Variants in GRM5 observed in about 807,000 individuals in gnomAD.
GRM5 encodes metabotropic glutamate receptor 5.
Under a neutral mutation model 83.1 loss-of-function variants are expected in GRM5, and 19 were observed. The observed-to-expected ratio is 0.23, with a 90% CI of 0.16 to 0.34. GRM5 has a LOEUF of 0.34. Ranked by LOEUF, GRM5 falls within the 10% of genes least tolerant of loss-of-function variation. The pLI is 1.00. For synonymous variants in GRM5, 675 were observed against 633.6 expected, an observed-to-expected ratio of 1.07 and a Z score of -0.98; for missense variants, 1,160 against 1,588.3, an observed-to-expected ratio of 0.73 and a Z score of 4.58.
chr11:88,572,309 G>C (rs553021632), intron 7 of GRM5, among the ~76,000 whole-genome samples: 1 of 152,204 alleles, frequency 6.6e-6, no homozygotes, highest in Non-Finnish European at 1.5e-5. Context: ...TAATGAATGA[G>C]AGAGGGAGAG....
intron 4 of GRM5, among the ~76,000 whole-genome samples, chr11:88,610,135 G>A (rs1938273185): frequency 6.6e-6 from 1 of 152,144 alleles, no homozygotes; most frequent in Non-Finnish European, 1.5e-5. Flanking sequence ...GGTTGCTGTA[G>A]CCTGGTAGTA....
At chr11:88,641,304 T>A (rs1939286821) in intron 4 of GRM5, among the ~76,000 whole-genome samples, 1 of 151,990 alleles carries the variant, frequency 6.6e-6, no homozygotes, top group African/African-American at 2.4e-5. Context: ...TCCACCATGA[T>A]CCGATCACCT....
rs568115603 is a variant in GRM5 at position 88,753,270 on chromosome 11, C to T, written c.911+96636G>A. On this transcript the variant is annotated intron_variant, in intron 3 of 9. Transcript: ENST00000305447. ...AACAAATTTATGAGAAAAAACAACCCCATCAAAAACTGGGCAAAGGACATG... is the reference window on the plus strand; with the variant it reads ...AACAAATTTATGAGAAAAAACAACCTCATCAAAAACTGGGCAAAGGACATG... 3.9e-5 allele frequency among the ~76,000 whole-genome samples: 6 copies of T among 152,044 alleles called. No individual in the cohort carries two copies. In the East Asian group the frequency reaches 1.2e-3, roughly 29 times the overall value.
chr11:88,886,372 C>T (rs113017641), intron 2 of GRM5, among the ~76,000 whole-genome samples: 3 of 152,290 alleles, frequency 2.0e-5, no homozygotes, highest in African/African-American at 7.2e-5. Flanking sequence ...CAGACTCCAA[C>T]TCTGTCCTTT....
intron 2 of GRM5, among the ~76,000 whole-genome samples, chr11:89,041,390 T>C (rs1476413465): frequency 6.6e-6 from 1 of 152,198 alleles, no homozygotes; most frequent in Non-Finnish European, 1.5e-5. Context: ...CAGCAATTGA[T>C]GACAGCAATG....
At chr11:88,703,977 G>T (rs1423121523) in intron 3 of GRM5, among the ~76,000 whole-genome samples, 1 of 152,000 alleles carries the variant, frequency 6.6e-6, no homozygotes, top group African/African-American at 2.4e-5. Flanking sequence ...AGTACTGGAG[G>T]CTAGGGAGTC....
intron 3 of GRM5, among the ~76,000 whole-genome samples, chr11:88,843,760 T>C (rs1944248850): frequency 6.6e-6 from 1 of 152,126 alleles, no homozygotes; most frequent in Non-Finnish European, 1.5e-5. Flanking sequence ...TATAGAGAAA[T>C]GATAAGAAAG....
intron 2 of GRM5, among the ~76,000 whole-genome samples, chr11:88,966,360 A>C (rs1938961691): frequency 6.6e-6 from 1 of 152,118 alleles, no homozygotes; most frequent in Non-Finnish European, 1.5e-5. Flanking sequence ...CAAATCGAAA[A>C]ACTAGGAGCA....
intron 2 of GRM5, among the ~76,000 whole-genome samples, chr11:89,030,316 CTT>C (rs1941232585): frequency 1.3e-5 from 2 of 151,974 alleles, no homozygotes; most frequent in Admixed American, 6.6e-5. Flanking sequence ...TATTGTGTCT[CTT>C]TGGCTTTATC....
intron 1 of GRM5, among the ~76,000 whole-genome samples, chr11:89,051,143 C>G (rs1941751168): frequency 6.6e-6 from 1 of 151,914 alleles, no homozygotes; most frequent in Non-Finnish European, 1.5e-5. Context: ...ATAGTCCCAG[C>G]TACTCGGGAG....
intron 4 of GRM5, among the ~76,000 whole-genome samples, chr11:88,632,945 C>G (rs2135274108): frequency 6.6e-6 from 1 of 152,234 alleles, no homozygotes. Flanking sequence ...TCATATTGAG[C>G]ATCTTCTCCT....
chr11:88,821,250 T>C (rs1187058681), intron 3 of GRM5, among the ~76,000 whole-genome samples: 1 of 151,770 alleles, frequency 6.6e-6, no homozygotes, highest in East Asian at 1.9e-4. Flanking sequence ...TTTGGGCTTA[T>C]TCCATTCACT....
chr11:88,706,334 A>G (rs1401867321), intron 3 of GRM5, among the ~76,000 whole-genome samples: 1 of 152,044 alleles, frequency 6.6e-6, no homozygotes, highest in African/African-American at 2.4e-5. Flanking sequence ...CTATCCAGGC[A>G]CATTGTTTCA....
intron 4 of GRM5, among the ~76,000 whole-genome samples, chr11:88,612,475 A>G (rs1938350380): frequency 6.6e-6 from 1 of 152,252 alleles, no homozygotes; most frequent in Non-Finnish European, 1.5e-5. Context: ...CCCTTTGGGT[A>G]TATACCCAGT....
intron 3 of GRM5, among the ~76,000 whole-genome samples, chr11:88,794,221 G>A (rs914017791): frequency 6.6e-6 from 1 of 152,158 alleles, no homozygotes; most frequent in Admixed American, 6.6e-5. Context: ...CTCTCACCTG[G>A]ACTAGTGCAA....
At chr11:88,592,851 TGC>T (rs1406018972) in intron 6 of GRM5, among the ~76,000 whole-genome samples, 2 of 152,226 alleles carry the variant, frequency 1.3e-5, no homozygotes, top group African/African-American at 4.8e-5. Context: ...CTTGCATTGT[TGC>T]TTAGGCTGGG....
At chr11:88,593,372 A>C (rs1937695991) in intron 6 of GRM5, among the ~76,000 whole-genome samples, 1 of 152,142 alleles carries the variant, frequency 6.6e-6, no homozygotes, top group Non-Finnish European at 1.5e-5. Context: ...TTACAAAATG[A>C]CCAGTATTAA....
At chr11:88,965,957 C>T (rs1200573886) in intron 2 of GRM5, among the ~76,000 whole-genome samples, 2 of 152,028 alleles carry the variant, frequency 1.3e-5, no homozygotes, top group Non-Finnish European at 2.9e-5. Flanking sequence ...GCATTGTTCC[C>T]TCAAGCATAC....
chr11:88,750,531 T>G (rs1028002054), intron 3 of GRM5, among the ~76,000 whole-genome samples: 1 of 151,998 alleles, frequency 6.6e-6, no homozygotes, highest in African/African-American at 2.4e-5. Context: ...ATCATTGGGA[T>G]AGAAAATTAA....
Sources: gnomAD v4.1 joint callset for allele counts (sites outside exome capture counted in the v4.1 genomes callset) on GRCh38, gnomAD v4.1.1 for gene constraint, MANE v1.5 for transcripts, NCBI Gene and HGNC (gene_info 2026-07-23, HGNC 2026-07-21) for gene names.